Variants in CNTNAP2 observed in about 807,000 individuals in gnomAD.
CNTNAP2 encodes the protein contactin associated protein 2.
Under a neutral mutation model 155.2 loss-of-function variants are expected in CNTNAP2, and 98 were observed. The observed-to-expected ratio is 0.63, with a 90% CI of 0.54 to 0.75. The LOEUF is 0.75. CNTNAP2 is among the 30% of genes least tolerant of loss of function. The pLI is 0.00. For synonymous variants in CNTNAP2, 651 were observed against 631.2 expected (o/e 1.03, Z -0.47); for missense variants, 1,727 against 1,688.1 (o/e 1.02, Z -0.40).
chr7:147,353,444 G>C (rs1419402516), intron 9 of CNTNAP2, among the ~76,000 whole-genome samples: 1 of 151,920 alleles, frequency 6.6e-6, no homozygotes, highest in Non-Finnish European at 1.5e-5. Context: ...ATGGTTTCCA[G>C]CTTCATCCAT....
intron 1 of CNTNAP2, among the ~76,000 whole-genome samples, chr7:146,382,671 A>G (rs539510511): frequency 6.6e-6 from 1 of 152,318 alleles, no homozygotes; most frequent in South Asian, 2.1e-4. Context: ...AATTCTGTAA[A>G]TAGGATAATT....
At chr7:148,278,569 CAAA>C (rs34230909) in intron 21 of CNTNAP2, among the ~76,000 whole-genome samples, 15 of 116,628 alleles carry the variant, frequency 1.3e-4, no homozygotes, top group East Asian at 2.6e-4. Context: ...GACTACATCT[CAAA>C]AAAAAAAAAA....
chr7:147,209,236 T>C (rs1053674626), intron 8 of CNTNAP2, among the ~76,000 whole-genome samples: 10 of 151,986 alleles, frequency 6.6e-5, no homozygotes, highest in Admixed American at 1.3e-4. Flanking sequence ...GCAAGGAATG[T>C]TTTTCTATTT....
In CNTNAP2 at chr7:146,231,741, A is replaced by G. The variant is rs938834336; in HGVS notation, c.97+114768A>G. 6.6e-5 allele frequency among the ~76,000 whole-genome samples: 10 copies of G among 152,294 alleles called. No homozygotes were observed. In the East Asian group the frequency reaches 9.7e-4, roughly 15 times the overall value. ...GTCTATAATTGCTCTGATGAAGTGC[A>G]TCCGGGAATAGGGTGAGGATTGGTT... On this transcript the variant is annotated intron_variant, in intron 1 of 23. Transcript: ENST00000361727.
intron 11 of CNTNAP2, among the ~76,000 whole-genome samples, chr7:147,492,308 C>A (rs947476381): frequency 4.6e-5 from 7 of 152,148 alleles, no homozygotes; most frequent in African/African-American, 9.7e-5. Context: ...GGAGCTCAGG[C>A]GGGAATGCCT....
intron 1 of CNTNAP2, among the ~76,000 whole-genome samples, chr7:146,540,395 C>T (rs886386453): frequency 6.6e-6 from 1 of 151,904 alleles, no homozygotes; most frequent in Non-Finnish European, 1.5e-5. Context: ...TCATTCTCTG[C>T]CAGACATCAC....
At chr7:147,220,658 G>A (rs1258533239) in intron 8 of CNTNAP2, among the ~76,000 whole-genome samples, 1 of 152,050 alleles carries the variant, frequency 6.6e-6, no homozygotes, top group Non-Finnish European at 1.5e-5. Flanking sequence ...TTTCAATTGA[G>A]CATTTTGTAT....
At chr7:147,822,394 T>A (rs1011201322) in intron 13 of CNTNAP2, among the ~76,000 whole-genome samples, 3 of 152,154 alleles carry the variant, frequency 2.0e-5, no homozygotes, top group Non-Finnish European at 4.4e-5. Flanking sequence ...TATAACAAGA[T>A]GTTCTCACTT....
chr7:148,203,035 C>G (rs183357400), intron 18 of CNTNAP2, among the ~76,000 whole-genome samples: 6 of 152,180 alleles, frequency 3.9e-5, no homozygotes, highest in Admixed American at 3.3e-4. Context: ...TTTCCAAAAC[C>G]TGCAGTTAGC....
chr7:147,000,937 T>A (rs899075450), intron 3 of CNTNAP2, among the ~76,000 whole-genome samples: 1 of 152,118 alleles, frequency 6.6e-6, no homozygotes, highest in African/African-American at 2.4e-5. Flanking sequence ...ATGGTGGGTC[T>A]AAAGGATCAG....
At chr7:146,163,606 G>T in intron 1 of CNTNAP2, among the ~76,000 whole-genome samples, 1 of 138,818 alleles carries the variant, frequency 7.2e-6, no homozygotes, top group African/African-American at 2.8e-5. Flanking sequence ...TATATATCAG[G>T]GCGTGGTGAC....
chr7:147,057,078 G>C (rs1367036911), intron 4 of CNTNAP2, among the ~76,000 whole-genome samples: 1 of 152,120 alleles, frequency 6.6e-6, no homozygotes, highest in Non-Finnish European at 1.5e-5. Context: ...GGGATTACAG[G>C]TGTGAGCCAC....
intron 1 of CNTNAP2, among the ~76,000 whole-genome samples, chr7:146,343,182 T>C (rs1397532121): frequency 6.6e-6 from 1 of 152,188 alleles, no homozygotes; most frequent in Admixed American, 6.5e-5. Context: ...TGCTGAAAGA[T>C]GAACAACAAA....
chr7:147,998,731 A>T (rs751621257), intron 15 of CNTNAP2, among the ~76,000 whole-genome samples: 3 of 152,224 alleles, frequency 2.0e-5, no homozygotes, highest in Non-Finnish European at 4.4e-5. Context: ...GTAAGCATTC[A>T]GTAAATACTT....
chr7:148,186,227 C>T (rs965613102), intron 18 of CNTNAP2, among the ~76,000 whole-genome samples: 1 of 152,162 alleles, frequency 6.6e-6, no homozygotes, highest in African/African-American at 2.4e-5. Context: ...TAAACATTTC[C>T]TGTTATGCCA....
chr7:147,245,581 C>T (rs2036122), intron 8 of CNTNAP2, among the ~76,000 whole-genome samples: 42 of 152,026 alleles, frequency 2.8e-4, no homozygotes, highest in African/African-American at 9.4e-4. Flanking sequence ...TGCCTGTAAT[C>T]TTAGCACGTC....
chr7:147,592,371 GTATAAT>G (rs1233503122), intron 12 of CNTNAP2, among the ~76,000 whole-genome samples: 2 of 151,626 alleles, frequency 1.3e-5, no homozygotes, highest in South Asian at 2.1e-4. Flanking sequence ...GGATTACATG[GTATAAT>G]TATGACAATA....
intron 3 of CNTNAP2, among the ~76,000 whole-genome samples, chr7:146,898,199 A>G (rs1254781718): frequency 6.6e-6 from 1 of 152,126 alleles, no homozygotes; most frequent in Non-Finnish European, 1.5e-5. Flanking sequence ...TTTAATATAT[A>G]AATACACAAT....
intron 14 of CNTNAP2, among the ~76,000 whole-genome samples, chr7:147,927,998 G>A (rs993170232): frequency 6.6e-6 from 1 of 152,152 alleles, no homozygotes; most frequent in African/African-American, 2.4e-5. Flanking sequence ...GGGACCTGGT[G>A]GGAGATCATT....
Sources: gnomAD v4.1 joint callset for allele counts (sites outside exome capture counted in the v4.1 genomes callset) on GRCh38, gnomAD v4.1.1 for gene constraint, MANE v1.5 for transcripts, NCBI Gene and HGNC (gene_info 2026-07-23, HGNC 2026-07-21) for gene names.